The following GTPBP6 variants were observed in gnomAD, a reference collection of about 807,000 sequenced individuals.
GTPBP6 encodes the protein putative GTP-binding protein 6.
GTPBP6 carries 33 observed loss-of-function variants against 28.9 expected under a neutral mutation model. The observed-to-expected ratio is 1.14, with a 90% CI of 0.87 to 1.53. GTPBP6 has a LOEUF of 1.53. Among genes scored for constraint, GTPBP6 ranks in the 40% most tolerant of loss-of-function variants. The probability of loss-of-function intolerance (pLI) is 0.00; values close to 1 mark genes in which losing one functional copy is unlikely to be tolerated. For missense variants in GTPBP6, 507 were observed against 408.3 expected, an observed-to-expected ratio of 1.24 and a Z score of -2.08; for synonymous variants, 231 against 192.7, an observed-to-expected ratio of 1.20 and a Z score of -1.65.
At position 305,582 on chromosome X, in the gene GTPBP6, A is replaced by G. The variant is rs779636283; in HGVS notation, c.1428-385T>C. On this transcript the variant is annotated intron_variant, in intron 9 of 9. Coordinates refer to ENST00000326153, the Ensembl canonical transcript of GTPBP6. Reference sequence around the variant, plus strand: ...GTGATCCACCCGCCTCGGCCTCCCAAAGTGCTGGGATGACAGGCATGAGCC... The same window carrying G: ...GTGATCCACCCGCCTCGGCCTCCCAGAGTGCTGGGATGACAGGCATGAGCC... Among the ~76,000 whole-genome samples, 206 of 148,978 alleles carry G rather than the reference A, an allele frequency of 1.4e-3. 10 individuals are homozygous for G. Among genetic ancestry groups the G allele is most frequent in the African/African-American group, 5.0e-3 (197 of 39,522 alleles).
intron 5 of GTPBP6, among the ~76,000 whole-genome samples, 155 bp from the exon 6 acceptor site, chrX:313,079 T>C (rs771132644): frequency 2.6e-5 from 4 of 152,350 alleles, no homozygotes; most frequent in African/African-American, 7.2e-5. Flanking sequence ...CGACACGTCC[T>C]GTTCCATGAG....
chrX:316,827 G>A (rs1308930706), intron 2 of GTPBP6, 87 bp downstream of exon 2: 10 of 398,938 alleles, frequency 2.5e-5, no homozygotes, highest in African/African-American at 8.2e-5. Context: ...CAAGACCCCC[G>A]TACTTCAGCA....
At chrX:316,669 G>A (rs1245848342) in intron 2 of GTPBP6, among the ~76,000 whole-genome samples, 1 of 152,236 alleles carries the variant, frequency 6.6e-6, no homozygotes, top group South Asian at 2.1e-4. Flanking sequence ...TCTATAAACT[G>A]CCCCGACCTA....
At chrX:318,770 G>T (rs1233754714) in exon 1 of GTPBP6, 3 of 307,326 alleles carry the variant, frequency 9.8e-6, no homozygotes, top group Non-Finnish European at 1.8e-5. Context: ...GGCGTACGGC[G>T]GCCCGCAGGG....
chrX:304,999 C>T (rs2070122857), exon 10 of GTPBP6: 17 of 1,575,484 alleles, frequency 1.1e-5, no homozygotes, highest in African/African-American at 5.4e-5. Flanking sequence ...CACCAAGCTG[C>T]CCCCAACACA....
chrX:307,971 C>A, intron 7 of GTPBP6, 91 bp from the exon 8 acceptor site: 1 of 1,160,874 alleles, frequency 8.6e-7, no homozygotes, highest in Non-Finnish European at 1.2e-6. Context: ...CTCACACGAG[C>A]TCCCAACGAC....
intron 7 of GTPBP6, among the ~76,000 whole-genome samples, chrX:309,359 T>G (rs2070237699): frequency 1.3e-5 from 2 of 152,060 alleles, no homozygotes; most frequent in South Asian, 4.1e-4. Flanking sequence ...AGCCTCAGAA[T>G]GGGACCCTAC....
At chrX:304,902 G>A (rs955374428) in exon 10 of GTPBP6, 24 of 1,445,694 alleles carry the variant, frequency 1.7e-5, no homozygotes, top group Middle Eastern at 2.6e-4. Context: ...AGGTGCGGCC[G>A]TGTCACCGGC....
chrX:312,706 G>A (rs755112040), intron 6 of GTPBP6, 60 bp downstream of exon 6: 6 of 1,514,362 alleles, frequency 4.0e-6, no homozygotes, highest in Middle Eastern at 1.9e-4. Flanking sequence ...CCTCCCCCGG[G>A]CGAGTCCTCA....
chrX:305,017 C>T lies in GTPBP6; in HGVS notation c.*57G>A, dbSNP rs376134956. On this transcript the variant is annotated 3_prime_UTR_variant, in exon 10 of 10. Transcript: ENST00000326153. ...CAAGCTGCCCCCAACACAGCGGTAA[C>T]GCCTCAGCTCCCCAGGCAGCGATGC... The T allele has an allele frequency of 2.1e-4, 341 of 1,596,502 alleles. 1 individual carries two copies. Among genetic ancestry groups the T allele is most frequent in the Non-Finnish European group, 2.7e-4 (316 of 1,172,598 alleles).
chrX:307,917 TCTGGTCCCTGACCCCAA>T, intron 7 of GTPBP6, 37 bp from the exon 8 acceptor site: 1 of 1,461,118 alleles, frequency 6.8e-7, no homozygotes, highest in South Asian at 1.5e-5. Context: ...CTGCGGAGCC[TCTGGTCCCTGACCCCAA>T]GCTTGCAGAC....
exon 6 of GTPBP6, chrX:312,818 C>G (rs2070339414): frequency 1.2e-6 from 2 of 1,612,668 alleles, no homozygotes; most frequent in African/African-American, 1.3e-5. Context: ...GCCTCGTCCG[C>G]TGCCGGCGGA....
At chrX:307,479 C>A (rs756343195) in exon 9 of GTPBP6, 5 of 1,611,324 alleles carry the variant, frequency 3.1e-6, no homozygotes, top group Non-Finnish European at 4.2e-6. Context: ...GCAGGGCAGA[C>A]ACGGGCACGA....
intron 5 of GTPBP6, among the ~76,000 whole-genome samples, chrX:313,660 G>C (rs1168352712): frequency 7.9e-5 from 12 of 152,018 alleles, no homozygotes; most frequent in Admixed American, 1.3e-4. Context: ...ATGTGTCCTT[G>C]TAAGAGACAG....
exon 1 of GTPBP6, chrX:318,595 GGCTTCGGCCGCC>G: frequency 2.5e-6 from 1 of 397,708 alleles, no homozygotes; most frequent in Non-Finnish European, 4.4e-6. Context: ...TCTCCCGTGC[GGCTTCGGCCGCC>G]GTCCGCCCGC....
chrX:308,857 T>C lies in GTPBP6; in HGVS notation c.1126-977A>G, dbSNP rs775667818. Among the ~76,000 whole-genome samples, 781 of 149,838 alleles carry C rather than the reference T, an allele frequency of 5.2e-3. 4 individuals are homozygous for C. The highest frequency in any genetic ancestry group is 0.014 in the Middle Eastern group (4 of 290). ...TCAGCCATTCTCCTGCCTCAGCCTC[T>C]CTTGAGTAGCTGGGACTACAGGCAC... On this transcript the variant is annotated intron_variant, in intron 7 of 9. Coordinates refer to ENST00000326153, the Ensembl canonical transcript of GTPBP6.
At chrX:314,754 G>A (rs1338419878) in intron 4 of GTPBP6, 136 bp downstream of exon 4, 116 of 393,472 alleles carry the variant, frequency 2.9e-4, no homozygotes, top group Admixed American at 7.5e-4. Flanking sequence ...GGGATGACAG[G>A]CGTGAGCCAC....
intron 7 of GTPBP6, among the ~76,000 whole-genome samples, chrX:310,380 G>T (rs2070260839): frequency 7.5e-6 from 1 of 133,138 alleles, no homozygotes; most frequent in Non-Finnish European, 1.5e-5. Flanking sequence ...GGAGCTGGGA[G>T]AGGCAGGAAG....
At chrX:306,049 C>T (rs1319099373) in intron 9 of GTPBP6, among the ~76,000 whole-genome samples, 2 of 152,238 alleles carry the variant, frequency 1.3e-5, no homozygotes, top group Non-Finnish European at 2.9e-5. Flanking sequence ...CAGGCCTGTG[C>T]CACGGCATCC....
Sources: gnomAD v4.1 joint callset for allele counts (sites outside exome capture counted in the v4.1 genomes callset) on GRCh38, gnomAD v4.1.1 for gene constraint, MANE v1.5 for transcripts, NCBI Gene and HGNC (gene_info 2026-07-23, HGNC 2026-07-21) for gene names.